AKT3: variants seen among roughly 807,000 people sequenced by gnomAD.
The protein encoded by AKT3 is AKT serine/threonine kinase 3.
In AKT3, 15 loss-of-function variants were observed where a neutral mutation model predicts 65.3. That is an observed-to-expected ratio of 0.23 (90% CI 0.15 to 0.35). The LOEUF (loss-of-function observed/expected upper bound fraction) is 0.35. Among genes scored for constraint, AKT3 ranks in the 10% least tolerant of loss-of-function variants. AKT3 has a pLI of 1.00. For synonymous variants in AKT3, 206 were observed against 183.8 expected, an observed-to-expected ratio of 1.12 and a Z score of -0.98; for missense variants, 243 against 576.5, an observed-to-expected ratio of 0.42 and a Z score of 5.92.
intron 8 of AKT3, among the ~76,000 whole-genome samples, chr1:243,595,089 T>TA (rs1558640815): frequency 3.9e-5 from 6 of 152,194 alleles, no homozygotes; most frequent in Admixed American, 3.9e-4. Context: ...AATGTGCAAT[T>TA]AGACAATTTC....
At chr1:243,583,195 TACACAC>T (rs59711065) in intron 8 of AKT3, among the ~76,000 whole-genome samples, 1 of 88,326 alleles carries the variant, frequency 1.1e-5, no homozygotes, top group Non-Finnish European at 2.1e-5. Flanking sequence ...TATATATATA[TACACAC>T]ACACACACAC....
Position 243,500,692 on chromosome 1 carries a change from C to T in AKT3, c.*4557G>A, listed in dbSNP as rs1396470307. The T allele has an allele frequency of 1.3e-5, 3 of 229,994 alleles. No homozygotes were observed. Among genetic ancestry groups the T allele is most frequent in the Non-Finnish European group, 2.6e-5 (3 of 116,164 alleles). The allele number at this position is 229,994 out of a possible 1,614,324, so 14.2% of individuals were successfully genotyped here. On this transcript the variant is annotated 3_prime_UTR_variant, in exon 14 of 14. Transcript: ENST00000673466. Reference sequence around the variant, plus strand: ...CCTGCCTGGCCAGCGAGCCATCATCCTCATCACCATCTCAACACAGAGCTG... The same window carrying T: ...CCTGCCTGGCCAGCGAGCCATCATCTTCATCACCATCTCAACACAGAGCTG...
At chr1:243,672,876 G>A in intron 3 of AKT3, among the ~76,000 whole-genome samples, 1 of 152,084 alleles carries the variant, frequency 6.6e-6, no homozygotes, top group East Asian at 1.9e-4. Context: ...AGAGTCTTCT[G>A]GAACAACTGT....
chr1:243,770,543 G>A (rs761861304), intron 2 of AKT3, among the ~76,000 whole-genome samples: 23 of 152,100 alleles, frequency 1.5e-4, no homozygotes, highest in Non-Finnish European at 2.6e-4. Flanking sequence ...AGAAGACAGA[G>A]ATAGGCATGT....
Position 243,598,885 on chromosome 1 carries a change from G to A in AKT3, c.696+14786C>T, listed in dbSNP as rs553265009. Among the ~76,000 whole-genome samples the A allele has an allele frequency of 3.7e-4, 57 of 152,110 alleles. No homozygotes were observed. The Middle Eastern group carries it at 0.014, about 36-fold the overall frequency. On this transcript the variant is annotated intron_variant, in intron 8 of 13. Coordinates refer to ENST00000673466, the MANE Select transcript of AKT3 (RefSeq NM_005465.7). ...GACTGTTTTATTCATCCTAGCGAAC[G>A]CAGTAAGCATTTAATACATACTTTT...
intron 2 of AKT3, among the ~76,000 whole-genome samples, chr1:243,771,818 A>G (rs1049664586): frequency 3.3e-5 from 5 of 152,196 alleles, no homozygotes; most frequent in African/African-American, 1.2e-4. Flanking sequence ...CCAAAACAGC[A>G]TGGTACTGGT....
At chr1:243,596,740 G>A (rs1166836054) in intron 8 of AKT3, among the ~76,000 whole-genome samples, 3 of 152,106 alleles carry the variant, frequency 2.0e-5, no homozygotes, top group Non-Finnish European at 2.9e-5. Context: ...AAAGAGAAAA[G>A]AAACAGGCCT....
At chr1:243,797,181 A>G (rs1692076307) in intron 2 of AKT3, among the ~76,000 whole-genome samples, 1 of 152,044 alleles carries the variant, frequency 6.6e-6, no homozygotes, top group South Asian at 2.1e-4. Context: ...TAAAAAAAAA[A>G]GCAAGATAAA....
chr1:243,763,750 G>A (rs1689641920), intron 2 of AKT3, among the ~76,000 whole-genome samples: 1 of 152,008 alleles, frequency 6.6e-6, no homozygotes, highest in African/African-American at 2.4e-5. Context: ...AGTTATTACT[G>A]ACCAGTGTCT....
intron 12 of AKT3, among the ~76,000 whole-genome samples, chr1:243,542,031 A>G (rs1323271093): frequency 1.3e-5 from 2 of 152,248 alleles, no homozygotes; most frequent in Non-Finnish European, 2.9e-5. Flanking sequence ...GTGAGAAATT[A>G]AAGACCACCT....
chr1:243,632,978 G>A (rs556662344), intron 6 of AKT3, among the ~76,000 whole-genome samples: 25 of 152,230 alleles, frequency 1.6e-4, no homozygotes, highest in African/African-American at 5.1e-4. Context: ...AAGACCACTC[G>A]AACTTTTTCC....
At chr1:243,583,195 T>TATATATATATATATATACAC (rs759291565) in intron 8 of AKT3, among the ~76,000 whole-genome samples, 2 of 88,324 alleles carry the variant, frequency 2.3e-5, no homozygotes, top group African/African-American at 1.0e-4. Context: ...TATATATATA[T>TATATATATATATATATACAC]ACACACACAC....
chr1:243,794,540 T>C (rs1175364554), intron 2 of AKT3: 2 of 152,376 alleles, frequency 1.3e-5, no homozygotes, highest in Admixed American at 6.5e-5. Flanking sequence ...TTAAATGTTA[T>C]TCATATTTTC....
chr1:243,645,136 A>G (rs1256882695), intron 5 of AKT3, among the ~76,000 whole-genome samples: 1 of 152,198 alleles, frequency 6.6e-6, no homozygotes, highest in African/African-American at 2.4e-5. Context: ...TCACTGTGCT[A>G]ATACCAAATT....
chr1:243,843,780 C>T, intron 1 of AKT3, among the ~76,000 whole-genome samples: 1 of 151,652 alleles, frequency 6.6e-6, no homozygotes, highest in East Asian at 1.9e-4. Flanking sequence ...GCCTCCCAAG[C>T]AGCTGGGACT....
In AKT3 at chr1:243,553,318, C is replaced by G. The variant is rs1459144703; in HGVS notation, c.949-375G>C. ...CCCATGTGGACTTCAAGTAACAACT[C>G]AGAGCTAGGGTGTGCTGATTATAGA... On this transcript the variant is annotated intron_variant, in intron 10 of 13. Coordinates refer to ENST00000673466, the MANE Select transcript of AKT3 (RefSeq NM_005465.7). Among the ~76,000 whole-genome samples, 4 of 152,174 alleles carry G rather than the reference C, an allele frequency of 2.6e-5. No individual in the cohort carries two copies. The South Asian group carries it at 8.3e-4, about 31-fold the overall frequency.
intron 2 of AKT3, among the ~76,000 whole-genome samples, chr1:243,804,502 A>AT (rs2148376635): frequency 6.6e-6 from 1 of 152,332 alleles, no homozygotes; most frequent in Admixed American, 6.5e-5. Flanking sequence ...CATAGTTATC[A>AT]TTTTTGTGGT....
chr1:243,850,504 C>T (rs1412518352), upstream of AKT3, among the ~76,000 whole-genome samples: 2 of 151,430 alleles, frequency 1.3e-5, no homozygotes, highest in African/African-American at 2.4e-5. Context: ...GGTTCTGCGG[C>T]CTCCTCCCGG....
At chr1:243,543,204 C>G (rs1363427333) in intron 12 of AKT3, among the ~76,000 whole-genome samples, 1 of 152,216 alleles carries the variant, frequency 6.6e-6, no homozygotes. Context: ...CTGGGCATGT[C>G]TAACCCAGTG....
Sources: gnomAD v4.1 joint callset for allele counts (sites outside exome capture counted in the v4.1 genomes callset) on GRCh38, gnomAD v4.1.1 for gene constraint, MANE v1.5 for transcripts, NCBI Gene and HGNC (gene_info 2026-07-23, HGNC 2026-07-21) for gene names.